Variants in KCNN2 observed in about 807,000 individuals in gnomAD.
KCNN2 encodes potassium calcium-activated channel subfamily N member 2, also known as small conductance calcium-activated potassium channel protein 2.
A neutral mutation model predicts 55.5 loss-of-function variants in KCNN2; 24 were observed. The ratio of observed to expected loss-of-function variants is 0.43; its 90% CI spans 0.31 to 0.61. The LOEUF (loss-of-function observed/expected upper bound fraction) is 0.61, where lower values mean the gene tolerates loss of function less well. Ranked by LOEUF, KCNN2 falls within the 20% of genes least tolerant of loss-of-function variation. The pLI is 0.08. For missense variants in KCNN2, 754 were observed against 853.6 expected (o/e 0.88, Z 1.45); for synonymous variants, 431 against 336.1 (o/e 1.28, Z -3.09).
intron 3 of KCNN2, among the ~76,000 whole-genome samples, chr5:114,451,813 C>A (rs968337712): frequency 2.0e-5 from 3 of 151,084 alleles, no homozygotes; most frequent in African/African-American, 7.3e-5. Context: ...AGCAGAATGG[C>A]GTGAACCCGG....
chr5:114,423,609 T>C (rs1168270826), intron 3 of KCNN2, among the ~76,000 whole-genome samples: 1 of 152,190 alleles, frequency 6.6e-6, no homozygotes, highest in Non-Finnish European at 1.5e-5. Flanking sequence ...TTTACAAATA[T>C]ATATATTGGC....
intron 2 of KCNN2, among the ~76,000 whole-genome samples, chr5:114,315,481 C>A (rs1026316352): frequency 1.0e-4 from 15 of 147,122 alleles, no homozygotes; most frequent in South Asian, 2.2e-4. Context: ...ATATATAAAA[C>A]TTCTGTTTTA....
At chr5:114,277,752 G>A (rs1755521014) in intron 2 of KCNN2, among the ~76,000 whole-genome samples, 1 of 152,092 alleles carries the variant, frequency 6.6e-6, no homozygotes, top group South Asian at 2.1e-4. Flanking sequence ...CTTTTTTCAA[G>A]GTTTTTAGCT....
intron 1 of KCNN2, among the ~76,000 whole-genome samples, chr5:114,123,390 T>G (rs1751864130): frequency 9.7e-6 from 1 of 103,598 alleles, no homozygotes; most frequent in African/African-American, 4.3e-5. Flanking sequence ...TGAGACAGAG[T>G]CTCGCTCTGT....
chr5:114,360,053 T>TA (rs1757373848), upstream of KCNN2, among the ~76,000 whole-genome samples: 1 of 152,150 alleles, frequency 6.6e-6, no homozygotes, highest in African/African-American at 2.4e-5. Flanking sequence ...TAATAGATGA[T>TA]AAAAACAAAA....
intron 1 of KCNN2, among the ~76,000 whole-genome samples, chr5:114,094,799 C>T (rs1458291146): frequency 1.3e-5 from 2 of 152,076 alleles, no homozygotes; most frequent in Non-Finnish European, 2.9e-5. Context: ...TCAGAACTCT[C>T]CTAATGTCAT....
At chr5:114,394,995 G>T (rs976015423) in intron 2 of KCNN2, among the ~76,000 whole-genome samples, 7 of 152,090 alleles carry the variant, frequency 4.6e-5, no homozygotes, top group Non-Finnish European at 1.0e-4. Context: ...ATGTTTTTCA[G>T]TGTGTAATTT....
In KCNN2 at chr5:114,070,360, C is replaced by T. The variant is rs368127697; in HGVS notation, c.-271+13860C>T. 2.6e-4 allele frequency among the ~76,000 whole-genome samples: 39 copies of T among 152,364 alleles called. 1 individual carries two copies. In the South Asian group the frequency reaches 8.1e-3, roughly 32 times the overall value. ...TAGCATGTTTTTGATGTTTCAGCTA[C>T]ACTCCATTACTTAATATTTTTTCAA... On this transcript the variant is annotated intron_variant, in intron 1 of 10. Coordinates refer to the KCNN2 transcript ENST00000512097.
intron 1 of KCNN2, among the ~76,000 whole-genome samples, chr5:114,158,209 G>A (rs1414553234): frequency 6.6e-6 from 1 of 152,150 alleles, no homozygotes; most frequent in Non-Finnish European, 1.5e-5. Flanking sequence ...TCCAGTTTCA[G>A]CTTTCTACAT....
intron 2 of KCNN2, among the ~76,000 whole-genome samples, chr5:114,313,685 C>T (rs1756448388): frequency 6.6e-6 from 1 of 152,132 alleles, no homozygotes; most frequent in African/African-American, 2.4e-5. Flanking sequence ...CTTTTTCCTT[C>T]TTGGATAAGC....
chr5:114,262,687 TTTTAAA>T (rs1755132432), intron 2 of KCNN2, among the ~76,000 whole-genome samples: 1 of 152,230 alleles, frequency 6.6e-6, no homozygotes, highest in African/African-American at 2.4e-5. Context: ...AAACTTATGT[TTTTAAA>T]ATTTTACTAT....
At chr5:114,301,639 A>C (rs1046497560) in intron 2 of KCNN2, among the ~76,000 whole-genome samples, 1 of 152,106 alleles carries the variant, frequency 6.6e-6, no homozygotes, top group Admixed American at 6.6e-5. Flanking sequence ...TGGGAGCCAA[A>C]CTAATATAAC....
At chr5:114,090,528 T>C (rs1224595297) in intron 1 of KCNN2, among the ~76,000 whole-genome samples, 2 of 151,186 alleles carry the variant, frequency 1.3e-5, no homozygotes, top group African/African-American at 4.8e-5. Context: ...TCCCTCACTC[T>C]TCCTCTCTTT....
chr5:114,348,994 C>T lies in KCNN2; in HGVS notation c.-184-11951C>T, dbSNP rs948663556. On this transcript the variant is annotated intron_variant, in intron 2 of 10. Transcript: ENST00000512097. ...TCCCAGAGTTACATAACCATCACCA[C>T]ACTCCAGTTTAAAAATGTTTTTGAT... Among the ~76,000 whole-genome samples the T allele has an allele frequency of 4.7e-5, 6 of 126,620 alleles. No individual in the cohort carries two copies. The East Asian group carries it at 4.0e-3, about 84-fold the overall frequency. The allele number at this position is 126,620 out of a possible 152,430, so 83.1% of individuals were successfully genotyped here.
At chr5:114,380,834 C>T (rs1299304502) in intron 2 of KCNN2, among the ~76,000 whole-genome samples, 2 of 151,980 alleles carry the variant, frequency 1.3e-5, no homozygotes, top group Non-Finnish European at 2.9e-5. Context: ...TAATGCAGGC[C>T]GTTATTACAG....
At chr5:114,117,112 G>C (rs558136769) in intron 1 of KCNN2, among the ~76,000 whole-genome samples, 1 of 152,092 alleles carries the variant, frequency 6.6e-6, no homozygotes. Flanking sequence ...TTAATTTCTG[G>C]CTTACTTTTT....
intron 1 of KCNN2, among the ~76,000 whole-genome samples, chr5:114,189,428 G>A (rs1255497983): frequency 6.6e-6 from 1 of 152,060 alleles, no homozygotes; most frequent in African/African-American, 2.4e-5. Flanking sequence ...ATTGGATTGA[G>A]GCCACCCACA....
intron 2 of KCNN2, among the ~76,000 whole-genome samples, chr5:114,288,256 C>T (rs1212967599): frequency 1.3e-5 from 2 of 152,246 alleles, no homozygotes; most frequent in East Asian, 3.9e-4. Flanking sequence ...GTTGTTTCTA[C>T]ATTTTTGCTA....
At chr5:114,216,965 G>A (rs1031765281) in intron 1 of KCNN2, among the ~76,000 whole-genome samples, 1 of 152,070 alleles carries the variant, frequency 6.6e-6, no homozygotes, top group Non-Finnish European at 1.5e-5. Context: ...CTATATACCA[G>A]CAATGAACAT....
Sources: allele counts gnomAD v4.1 joint callset (sites outside exome capture counted in the v4.1 genomes callset), GRCh38; gene constraint gnomAD v4.1.1; transcripts MANE v1.5; gene names NCBI Gene and HGNC (gene_info 2026-07-23, HGNC 2026-07-21).